SPINK6: variants seen among roughly 807,000 people sequenced by gnomAD.
SPINK6 encodes serine protease inhibitor Kazal-type 6.
Under a neutral mutation model 11.7 loss-of-function variants are expected in SPINK6, and 13 were observed. That is an observed-to-expected ratio of 1.11 (90% CI 0.72 to 1.76). The LOEUF (loss-of-function observed/expected upper bound fraction) is 1.76, where lower values mean the gene tolerates loss of function less well. SPINK6 is among the 40% of genes most tolerant of loss of function. The probability of loss-of-function intolerance (pLI) is 0.00; values close to 1 mark genes in which losing one functional copy is unlikely to be tolerated. For missense variants in SPINK6, 98 were observed against 93.7 expected, an observed-to-expected ratio of 1.05 and a Z score of -0.19; for synonymous variants, 21 against 31.9, an observed-to-expected ratio of 0.66 and a Z score of 1.15.
chr5:148,206,864 T>G (rs80165546), intron 2 of SPINK6, among the ~76,000 whole-genome samples: 1 of 152,210 alleles, frequency 6.6e-6, no homozygotes, highest in Non-Finnish European at 1.5e-5. Context: ...ACCTTTGACA[T>G]GAAAATTTCT....
Position 148,214,008 on chromosome 5 carries a change from C to T in SPINK6, c.180C>T (p.Ala60=). 1 of 1,608,336 alleles carries T rather than the reference C, an allele frequency of 6.2e-7. No individual in the cohort carries two copies. Among genetic ancestry groups the T allele is most frequent in the Non-Finnish European group, 8.5e-7 (1 of 1,174,802 alleles). ...SDGQTYGNKC[A]FCKAIVKSGG... is the part of the protein sequence containing the mutation. ...GCCAGACATATGGCAATAAATGTGC[C>T]TTCTGTAAGGCCATAGTGTAAGTAT... Residue 60 remains alanine (A), a synonymous_variant, in exon 3 of 4, where the codon GCC becomes GCT. Transcript: ENST00000325630.
chr5:148,212,334 T>C (rs1322986570), intron 2 of SPINK6, among the ~76,000 whole-genome samples: 1 of 150,532 alleles, frequency 6.6e-6, no homozygotes, highest in Non-Finnish European at 1.5e-5. Flanking sequence ...CCACAGACTC[T>C]GAAACAGGGT....
At position 148,209,963 on chromosome 5, in the gene SPINK6, C is replaced by CATCCACACGTACGTATGTATGT. The variant is rs1755549660; in HGVS notation, c.81+3907_81+3908insCCACACGTACGTATGTATGTAT. 1.3e-5 allele frequency among the ~76,000 whole-genome samples: 2 copies of CATCCACACGTACGTATGTATGT among 149,180 alleles called. 1 individual carries two copies. Among genetic ancestry groups the CATCCACACGTACGTATGTATGT allele is most frequent in the Non-Finnish European group, 2.9e-5 (2 of 67,806 alleles). ...GTAAAAGGTTTCATATATATGTATA[C>CATCCACACGTACGTATGTATGT]ATACATACGTACGTATGTATGTATA... On this transcript the variant is annotated intron_variant, in intron 2 of 3. Transcript: ENST00000325630.
At chr5:148,206,093 G>C (rs771109538) in intron 2 of SPINK6, 35 bp downstream of exon 2, 2 of 1,613,396 alleles carry the variant, frequency 1.2e-6, no homozygotes, top group South Asian at 2.2e-5. Flanking sequence ...TTTCTGCCTG[G>C]GTGGTGCTTG....
At chr5:148,209,875 A>C (rs1450234279) in intron 2 of SPINK6, among the ~76,000 whole-genome samples, 4 of 149,994 alleles carry the variant, frequency 2.7e-5, no homozygotes, top group African/African-American at 9.8e-5. Context: ...CAGAATACAA[A>C]ACTAGTTTGA....
chr5:148,204,777 G>A (rs149224424), intron 1 of SPINK6, among the ~76,000 whole-genome samples: 31 of 152,172 alleles, frequency 2.0e-4, no homozygotes, highest in Middle Eastern at 3.4e-3. Flanking sequence ...ATTGGACTCC[G>A]TCATTGTGAA....
In SPINK6 at chr5:148,214,232, G is replaced by A. The variant is rs566927103; in HGVS notation, c.197+207G>A. ...ATTATTTGAAGACATAATCTTAATC[G>A]CTTTGCTTTGTTATTATTAATTTTT... On this transcript the variant is annotated intron_variant, in intron 3 of 3. Transcript: ENST00000325630. Among the ~76,000 whole-genome samples, 200 of 152,062 alleles carry A rather than the reference G, an allele frequency of 1.3e-3. 2 individuals carry two copies. Among genetic ancestry groups the A allele is most frequent in the Non-Finnish European group, 2.0e-3 (134 of 67,976 alleles).
At chr5:148,203,019 A>T, upstream of SPINK6, 1 of 1,213,156 alleles carries the variant, frequency 8.2e-7, no homozygotes, top group Non-Finnish European at 1.2e-6. Context: ...AATGTATTTT[A>T]GGGCTTTCTG....
intron 2 of SPINK6, among the ~76,000 whole-genome samples, chr5:148,211,672 C>T (rs1344862506): frequency 1.3e-5 from 2 of 152,114 alleles, no homozygotes; most frequent in Non-Finnish European, 2.9e-5. Context: ...TTCTAAAACA[C>T]GATTCTCAGC....
intron 2 of SPINK6, among the ~76,000 whole-genome samples, chr5:148,207,003 T>C (rs1755507656): frequency 7.4e-6 from 1 of 135,644 alleles, no homozygotes; most frequent in African/African-American, 2.8e-5. Context: ...AGGATGCATC[T>C]TACAAATGAT....
At chr5:148,213,761 C>A (rs1427280991) in intron 2 of SPINK6, 149 bp from the exon 3 acceptor site, 2 of 573,746 alleles carry the variant, frequency 3.5e-6, no homozygotes, top group South Asian at 2.3e-5. Context: ...TAGAATACAT[C>A]AGATAAGGAG....
At chr5:148,213,647 A>G (rs1184162180) in intron 2 of SPINK6, among the ~76,000 whole-genome samples, 1 of 152,192 alleles carries the variant, frequency 6.6e-6, no homozygotes, top group Admixed American at 6.6e-5. Flanking sequence ...TGACTACATC[A>G]TTAATTTACT....
intron 2 of SPINK6, among the ~76,000 whole-genome samples, chr5:148,212,785 A>G (rs891652038): frequency 7.8e-6 from 1 of 128,610 alleles, no homozygotes; most frequent in Admixed American, 8.4e-5. Flanking sequence ...TTTATATATT[A>G]TATTATATAT....
At chr5:148,202,820 G>A (rs768665516), upstream of SPINK6, 13 of 329,802 alleles carry the variant, frequency 3.9e-5, no homozygotes, top group East Asian at 3.5e-4. Flanking sequence ...AAGAAGAGCC[G>A]GGAGGATGTA....
chr5:148,212,696 T>A (rs1755626687), intron 2 of SPINK6, among the ~76,000 whole-genome samples: 1 of 117,174 alleles, frequency 8.5e-6, no homozygotes, highest in African/African-American at 3.4e-5. Context: ...ATAAACTATA[T>A]ATTTATACAA....
intron 2 of SPINK6, among the ~76,000 whole-genome samples, chr5:148,212,480 T>TTA (rs201941959): frequency 0.028 from 2,687 of 96,946 alleles, 172 homozygotes; most frequent in East Asian, 0.23. Context: ...TACATATTTT[T>TTA]TATATATATA....
rs73276404 is a variant in SPINK6, at chr5:148,210,061, T to C, written c.82-3849T>C. ...ACGTATGTATGCATATATGTATGTA[T>C]ATGTATGTATGCATATATGTATGCA... On this transcript the variant is annotated intron_variant, in intron 2 of 3. Transcript: ENST00000325630. 6.5e-3 allele frequency among the ~76,000 whole-genome samples: 736 copies of C among 113,918 alleles called. 14 individuals carry two copies. Among genetic ancestry groups the C allele is most frequent in the African/African-American group, 0.02 (706 of 35,586 alleles). The allele number at this position is 113,918 out of a possible 152,430, so 74.7% of individuals were successfully genotyped here.
At chr5:148,212,581 A>G (rs1405944018) in intron 2 of SPINK6, among the ~76,000 whole-genome samples, 1 of 102,498 alleles carries the variant, frequency 9.8e-6, no homozygotes, top group African/African-American at 4.2e-5. Flanking sequence ...TATATATTAT[A>G]TAAATATATT....
At chr5:148,211,459 C>T (rs1453823207) in intron 2 of SPINK6, among the ~76,000 whole-genome samples, 1 of 152,156 alleles carries the variant, frequency 6.6e-6, no homozygotes, top group Non-Finnish European at 1.5e-5. Context: ...TTACTTTCTA[C>T]ACTCCTAACC....
Sources: allele counts gnomAD v4.1 joint callset (sites outside exome capture counted in the v4.1 genomes callset), GRCh38; gene constraint gnomAD v4.1.1; transcripts MANE v1.5; gene names NCBI Gene and HGNC (gene_info 2026-07-23, HGNC 2026-07-21).